CLCA4: variants seen among roughly 807,000 people sequenced by gnomAD.
CLCA4 encodes chloride channel accessory 4.
A neutral mutation model predicts 78.9 loss-of-function variants in CLCA4; 69 were observed. The ratio of observed to expected loss-of-function variants is 0.87; its 90% CI spans 0.72 to 1.07. CLCA4 has a LOEUF of 1.07. Among genes scored for constraint, CLCA4 ranks in the 50% least tolerant of loss-of-function variants. The pLI, the probability that CLCA4 is intolerant of heterozygous loss-of-function variation, is 0.00. For synonymous variants in CLCA4, 362 were observed against 375.8 expected, an observed-to-expected ratio of 0.96 and a Z score of 0.42; for missense variants, 1,133 against 1,095.8, an observed-to-expected ratio of 1.03 and a Z score of -0.48.
chr1:86,574,481 GA>G, intron 9 of CLCA4, 58 bp from the exon 10 acceptor site: 1 of 1,414,226 alleles, frequency 7.1e-7, no homozygotes, highest in African/African-American at 1.4e-5. Flanking sequence ...AAACCATCTT[GA>G]AAAAAGAATA....
At chr1:86,558,978 CT>C (rs768275927) in intron 1 of CLCA4, among the ~76,000 whole-genome samples, 286 of 148,924 alleles carry the variant, frequency 1.9e-3, no homozygotes, top group Non-Finnish European at 3.4e-3. Context: ...CTTTAACACT[CT>C]TTTTTTTTTT....
At chr1:86,553,953 G>A (rs1649751921) in intron 1 of CLCA4, among the ~76,000 whole-genome samples, 1 of 152,060 alleles carries the variant, frequency 6.6e-6, no homozygotes, top group Admixed American at 6.6e-5. Context: ...AAGTTTGTGT[G>A]TCAATGTATG....
intron 1 of CLCA4, chr1:86,552,759 C>A: frequency 7.0e-7 from 1 of 1,429,940 alleles, no homozygotes; most frequent in South Asian, 1.1e-5. Context: ...TCATGCCTGT[C>A]AGTACTGTGT....
At chr1:86,552,666 C>A (rs1255622544) in intron 1 of CLCA4, 26 of 891,818 alleles carry the variant, frequency 2.9e-5, no homozygotes, top group Non-Finnish European at 4.1e-5. Context: ...TCGCCCAGAT[C>A]GGACTTGCAG....
Position 86,567,578 on chromosome 1 carries a change from C to T in CLCA4, c.1109C>T (p.Thr370Ile). The T allele has an allele frequency of 6.2e-7, 1 of 1,613,362 alleles. No individual in the cohort carries two copies. The highest frequency in any genetic ancestry group is 1.1e-5 in the South Asian group (1 of 91,072). ...ATAAAAAGCAGTGATGAAAGAAACACACTCATGGCAGGATTACCTACATAT... is the reference window on the plus strand; with the variant it reads ...ATAAAAAGCAGTGATGAAAGAAACATACTCATGGCAGGATTACCTACATAT... Reference protein sequence around the residue: ...IQIKSSDERNTLMAGLPTYPL... With the variant: ...IQIKSSDERNILMAGLPTYPL... The change falls in exon 7 of 14, where the codon ACA (threonine) becomes ATA (isoleucine). Residue 370 changes from threonine to isoleucine, a missense_variant. Transcript: ENST00000370563.
chr1:86,551,904 A>AT (rs1209103051), intron 1 of CLCA4, among the ~76,000 whole-genome samples: 2 of 151,960 alleles, frequency 1.3e-5, no homozygotes, highest in Non-Finnish European at 2.9e-5. Flanking sequence ...AATGACAAAA[A>AT]AAATGTAGTA....
chr1:86,555,169 C>A (rs914942358), intron 1 of CLCA4, among the ~76,000 whole-genome samples: 3 of 152,282 alleles, frequency 2.0e-5, no homozygotes, highest in South Asian at 4.1e-4. Flanking sequence ...TCTGTTTACT[C>A]TGTTGATAGT....
Position 86,577,992 on chromosome 1 carries a change from A to G in CLCA4, c.2042A>G (p.His681Arg). The G allele has an allele frequency of 6.2e-7, 1 of 1,612,850 alleles. No homozygotes were observed. The highest frequency in any genetic ancestry group is 1.1e-5 in the South Asian group (1 of 91,036). Residue 681 changes from histidine to arginine, a missense_variant, in exon 12 of 14, where the codon CAT (histidine) becomes CGT (arginine). Transcript: ENST00000370563. ...NGRYSLKVRA[H>R]GGANTARLKL... ...AGATATAGCTTAAAAGTTCGGGCTC[A>G]TGGAGGAGCAAACACTGCCAGGCTA...
chr1:86,551,159 T>A (rs1372904721), intron 1 of CLCA4, among the ~76,000 whole-genome samples: 2 of 152,090 alleles, frequency 1.3e-5, no homozygotes, highest in African/African-American at 2.4e-5. Flanking sequence ...GAAAATGCAG[T>A]TTTTATCCAA....
rs374250322 is a variant in CLCA4, at chr1:86,579,948, G to A, written c.2363G>A (p.Arg788His). 86 of 1,576,656 alleles carry A rather than the reference G, an allele frequency of 5.5e-5. No homozygotes were observed. The Middle Eastern group carries it at 1.0e-3, about 19-fold the overall frequency. ...GDNFDVGKVQ[R>H]YIIRISASIL... ...TGTAACTTTTTTTTCTCAGTTCAAC[G>A]TTATATCATAAGAATAAGTGCAAGT... Residue 788 changes from arginine to histidine, a missense_variant, in exon 14 of 14, where the codon CGT becomes CAT. Transcript: ENST00000370563.
chr1:86,566,378 C>T (rs1283112473), intron 6 of CLCA4, among the ~76,000 whole-genome samples: 2 of 152,154 alleles, frequency 1.3e-5, no homozygotes, highest in East Asian at 3.9e-4. Flanking sequence ...AGGAGATCCT[C>T]TAGGACTTGG....
intron 11 of CLCA4, among the ~76,000 whole-genome samples, chr1:86,576,338 T>C (rs910333481): frequency 6.6e-6 from 1 of 151,670 alleles, no homozygotes; most frequent in African/African-American, 2.4e-5. Flanking sequence ...AATCTTTAAA[T>C]TTTTTTTGTA....
At chr1:86,566,181 T>G (rs984751333) in intron 6 of CLCA4, among the ~76,000 whole-genome samples, 161 bp downstream of exon 6, 10 of 151,946 alleles carry the variant, frequency 6.6e-5, no homozygotes, top group Non-Finnish European at 1.2e-4. Flanking sequence ...AATACCATAG[T>G]AAAAGAAAGA....
intron 1 of CLCA4, among the ~76,000 whole-genome samples, chr1:86,553,898 T>C (rs1649748585): frequency 6.6e-6 from 1 of 152,024 alleles, no homozygotes; most frequent in Admixed American, 6.5e-5. Flanking sequence ...ATTGAGACAT[T>C]GAACTCCAGC....
Position 86,559,912 on chromosome 1 carries a change from AT to A in CLCA4, c.160-14del. On this transcript the variant is annotated intron_variant, in intron 1 of 13. Coordinates refer to ENST00000370563, the MANE Select transcript of CLCA4 (RefSeq NM_012128.4). The stretch of plus-strand genomic sequence containing the variant: ...CACTCTAACTTCACCATCCTCACAT[AT>A]TTTTTCCTTTAATGACAGGATATGG... 6.4e-7 allele frequency: 1 copy of A among 1,574,140 alleles called. No individual in the cohort carries two copies. The highest frequency in any genetic ancestry group is 8.6e-7 in the Non-Finnish European group (1 of 1,162,568).
rs1209511210 is a variant in CLCA4 at position 86,552,884 on chromosome 1, G to C, written c.159+5606G>C. 3.1e-5 allele frequency: 22 copies of C among 704,120 alleles called. No individual in the cohort carries two copies. In the South Asian group the frequency reaches 3.4e-4, roughly 11 times the overall value. The allele number at this position is 704,120 out of a possible 1,614,324, so 43.6% of individuals were successfully genotyped here. A position where few individuals can be genotyped will look rare whatever the true frequency, so the allele number is the denominator to read the frequency against. The stretch of plus-strand genomic sequence containing the variant: ...CGAGTGATTTGCGAAAGCTTCCTCT[G>C]TTTTCTTGAGGGCCATCCATCTCCC... On this transcript the variant is annotated intron_variant, in intron 1 of 13. Transcript: ENST00000370563.
In CLCA4 at chr1:86,553,190, A is replaced by G. The variant is rs1007745998; in HGVS notation, c.159+5912A>G. Reference sequence around the variant, plus strand: ...TTGAGCGGCACAGGTTGGGCTCCACAAGCATGTGGCAAAGCTGCAGCTTCA... The same window carrying G: ...TTGAGCGGCACAGGTTGGGCTCCACGAGCATGTGGCAAAGCTGCAGCTTCA... On this transcript the variant is annotated intron_variant, in intron 1 of 13. Transcript: ENST00000370563. 9 of 1,151,606 alleles carry G rather than the reference A, an allele frequency of 7.8e-6. No homozygotes were observed. In the African/African-American group the frequency reaches 1.2e-4, roughly 15 times the overall value. 71.3% of individuals were successfully genotyped at this position (1,151,606 alleles called of 1,614,324 possible).
intron 1 of CLCA4, 36 bp downstream of exon 1, chr1:86,547,314 AG>A (rs1392054130): frequency 6.8e-7 from 1 of 1,477,740 alleles, no homozygotes; most frequent in Non-Finnish European, 9.1e-7. Context: ...ATTAATTTTT[AG>A]TTTTTTACTA....
At chr1:86,566,055 A>G (rs1376980168) in intron 6 of CLCA4, 35 bp downstream of exon 6, 4 of 1,568,516 alleles carry the variant, frequency 2.6e-6, no homozygotes, top group Non-Finnish European at 1.7e-6. Context: ...GGGATGTAGG[A>G]TATTTGAAGA....
Sources: gnomAD v4.1 joint callset for allele counts (sites outside exome capture counted in the v4.1 genomes callset) on GRCh38, gnomAD v4.1.1 for gene constraint, MANE v1.5 for transcripts, NCBI Gene and HGNC (gene_info 2026-07-23, HGNC 2026-07-21) for gene names.